The following RNF216 variants were observed in gnomAD, a reference collection of about 807,000 sequenced individuals.
RNF216 encodes the protein ring finger protein 216.
A neutral mutation model predicts 110.8 loss-of-function variants in RNF216; 72 were observed. That is an observed-to-expected ratio of 0.65 (90% CI 0.54 to 0.79). The LOEUF (loss-of-function observed/expected upper bound fraction) is 0.79, where lower values mean the gene tolerates loss of function less well. RNF216 is among the 30% of genes least tolerant of loss of function. The probability of loss-of-function intolerance (pLI) is 0.00; values close to 1 mark genes in which losing one functional copy is unlikely to be tolerated. For synonymous variants in RNF216, 495 were observed against 407.5 expected, an observed-to-expected ratio of 1.21 and a Z score of -2.59; for missense variants, 1,342 against 1,141.2, an observed-to-expected ratio of 1.18 and a Z score of -2.54.
At chr7:5,716,090 C>G (rs1793045972) in intron 10 of RNF216, among the ~76,000 whole-genome samples, 1 of 152,126 alleles carries the variant, frequency 6.6e-6, no homozygotes, top group Non-Finnish European at 1.5e-5. Context: ...TGGGGTGCTG[C>G]TATGTTGACC....
chr7:5,704,223 C>T (rs536966474), intron 13 of RNF216, among the ~76,000 whole-genome samples: 1 of 152,164 alleles, frequency 6.6e-6, no homozygotes. Context: ...TATATTAATA[C>T]GTTTATATTA....
At chr7:5,639,452 C>T (rs1787598825) in intron 15 of RNF216, among the ~76,000 whole-genome samples, 1 of 152,082 alleles carries the variant, frequency 6.6e-6, no homozygotes, top group South Asian at 2.1e-4. Context: ...ACCCATGAGC[C>T]ACCACACATG....
intron 1 of RNF216, among the ~76,000 whole-genome samples, chr7:5,770,684 AAAAC>A (rs1796448381): frequency 1.3e-5 from 2 of 152,166 alleles, no homozygotes; most frequent in Non-Finnish European, 2.9e-5. Context: ...TTCATGGAGA[AAAAC>A]AAAAGGAGGA....
At chr7:5,775,280 G>A (rs1401824568) in intron 1 of RNF216, 2 of 152,076 alleles carry the variant, frequency 1.3e-5, no homozygotes, top group African/African-American at 4.8e-5. Flanking sequence ...AATCGCTCAC[G>A]GTTCTCTCAC....
intron 4 of RNF216, chr7:5,739,731 TG>T (rs2128651839): frequency 2.3e-6 from 1 of 429,500 alleles, no homozygotes; most frequent in South Asian, 1.7e-5. Flanking sequence ...CCGGGTGCAG[TG>T]GCTCATGCCT....
intron 13 of RNF216, among the ~76,000 whole-genome samples, chr7:5,655,054 C>T (rs951092184): frequency 2.6e-5 from 4 of 152,222 alleles, no homozygotes; most frequent in Admixed American, 6.5e-5. Context: ...CAATACATGG[C>T]ATTTAGATAC....
intron 13 of RNF216, among the ~76,000 whole-genome samples, chr7:5,675,461 G>C: frequency 6.6e-6 from 1 of 151,660 alleles, no homozygotes; most frequent in Non-Finnish European, 1.5e-5. Flanking sequence ...AACAAAGCAA[G>C]ACACCCTCTA....
At chr7:5,658,262 C>G (rs1788873375) in intron 13 of RNF216, among the ~76,000 whole-genome samples, 1 of 152,216 alleles carries the variant, frequency 6.6e-6, no homozygotes, top group South Asian at 2.1e-4. Context: ...AGCCAAGTAT[C>G]TGAACCTCAG....
At chr7:5,720,899 AAAACTTT>A in intron 9 of RNF216, 127 bp downstream of exon 9, 1 of 809,138 alleles carries the variant, frequency 1.2e-6, no homozygotes, top group Non-Finnish European at 1.9e-6. Context: ...TTTTCTTTTA[AAAACTTT>A]GCATATATCC....
Position 5,660,947 on chromosome 7 carries a change from T to TTTTTTG in RNF216, c.2062-8438_2062-8437insCAAAAA, listed in dbSNP as rs1789087677. 1.5e-5 allele frequency among the ~76,000 whole-genome samples: 2 copies of TTTTTTG among 133,754 alleles called. 1 individual carries two copies. Among genetic ancestry groups the TTTTTTG allele is most frequent in the African/African-American group, 5.9e-5 (2 of 33,614 alleles). The allele number at this position is 133,754 out of a possible 152,430, so 87.7% of individuals were successfully genotyped here. A position where few individuals can be genotyped will look rare whatever the true frequency, so the allele number is the denominator to read the frequency against. On this transcript the variant is annotated intron_variant, in intron 13 of 16. Coordinates refer to ENST00000389902, the MANE Select transcript of RNF216 (RefSeq NM_207111.4). ...TCCATGCTCCTGAAGCCTTAGGTTT[T>TTTTTTG]TTTTTTTTTTTTTTTTTTTTTGAAA...
intron 15 of RNF216, among the ~76,000 whole-genome samples, chr7:5,640,055 G>A (rs1188886511): frequency 6.6e-5 from 10 of 151,246 alleles, no homozygotes; most frequent in South Asian, 4.2e-4. Flanking sequence ...CACCGCGCCC[G>A]GCCAATTTTT....
rs1356741616 is a variant in RNF216, at chr7:5,620,838, A to T, written c.*2022T>A. On this transcript the variant is annotated 3_prime_UTR_variant, in exon 17 of 17. Transcript: ENST00000389902. ...CGTGCCTAGGGTACAGGGCAGAGGG[A>T]GCTGAGGCTCCCAGGGCCTGAGGTC... 1 of 152,168 alleles carries T rather than the reference A, an allele frequency of 6.6e-6. No individual in the cohort carries two copies. Among genetic ancestry groups the T allele is most frequent in the Non-Finnish European group, 1.5e-5 (1 of 68,064 alleles). 9.4% of individuals were successfully genotyped at this position (152,168 alleles called of 1,614,324 possible).
intron 13 of RNF216, among the ~76,000 whole-genome samples, chr7:5,660,196 G>A (rs371836824): frequency 3.4e-4 from 48 of 143,086 alleles, no homozygotes; most frequent in African/African-American, 1.1e-3. Flanking sequence ...CAAGCGATCT[G>A]CCCACCATGG....
intron 15 of RNF216, among the ~76,000 whole-genome samples, chr7:5,632,976 A>C (rs562277999): frequency 1.4e-4 from 22 of 151,884 alleles, no homozygotes; most frequent in Non-Finnish European, 2.6e-4. Context: ...GCGGAACTGG[A>C]AGAGCACTTT....
At chr7:5,707,530 A>C (rs772061680) in intron 13 of RNF216, among the ~76,000 whole-genome samples, 4 of 151,996 alleles carry the variant, frequency 2.6e-5, no homozygotes, top group Non-Finnish European at 5.9e-5. Context: ...TTTTGTGGAA[A>C]TTGCAGATTT....
At chr7:5,687,045 TC>T (rs1791029815) in intron 13 of RNF216, among the ~76,000 whole-genome samples, 1 of 152,182 alleles carries the variant, frequency 6.6e-6, no homozygotes, top group South Asian at 2.1e-4. Context: ...CTAATTGGAT[TC>T]ATCACCACAG....
chr7:5,706,139 G>C (rs1792272977), intron 13 of RNF216, among the ~76,000 whole-genome samples: 1 of 150,120 alleles, frequency 6.7e-6, no homozygotes, highest in African/African-American at 2.5e-5. Flanking sequence ...AGAATCGCTT[G>C]CACCCGGAAG....
chr7:5,644,810 G>A (rs1046278223), intron 14 of RNF216, among the ~76,000 whole-genome samples: 4 of 149,580 alleles, frequency 2.7e-5, no homozygotes, highest in Non-Finnish European at 5.9e-5. Flanking sequence ...CTGGCTGTTT[G>A]CCTATTTTCT....
At chr7:5,764,643 G>A (rs1173001526) in intron 1 of RNF216, among the ~76,000 whole-genome samples, 8 of 115,316 alleles carry the variant, frequency 6.9e-5, no homozygotes, top group South Asian at 2.8e-4. Flanking sequence ...GCAAGACACC[G>A]TCTCAAAAAA....
Sources: allele counts gnomAD v4.1 joint callset (sites outside exome capture counted in the v4.1 genomes callset), GRCh38; gene constraint gnomAD v4.1.1; transcripts MANE v1.5; gene names NCBI Gene and HGNC (gene_info 2026-07-23, HGNC 2026-07-21).